The following ABTB3 variants were observed in gnomAD, a reference collection of about 807,000 sequenced individuals.
ABTB3 encodes ankyrin repeat and BTB domain containing 3.
At chr12:107,631,081 C>T in the ABTB3 span, among the ~76,000 whole-genome samples, 1 of 152,132 alleles carries the variant, frequency 6.6e-6, no homozygotes, top group African/African-American at 2.4e-5. Context: ...AGCTTTTCAG[C>T]CCTTGCCTCC....
the ABTB3 span, among the ~76,000 whole-genome samples, chr12:107,528,888 G>A: frequency 6.6e-6 from 1 of 150,858 alleles, no homozygotes; most frequent in Non-Finnish European, 1.5e-5. Flanking sequence ...TGATGGAGAT[G>A]ATGATGGTGA....
At chr12:107,321,553 C>T in the ABTB3 span, among the ~76,000 whole-genome samples, 1 of 151,908 alleles carries the variant, frequency 6.6e-6, no homozygotes. Flanking sequence ...AGCCCTTCCC[C>T]GTCTGCTGCC....
the ABTB3 span, among the ~76,000 whole-genome samples, chr12:107,499,224 T>G: frequency 2.0e-5 from 3 of 152,234 alleles, no homozygotes; most frequent in Admixed American, 6.5e-5. Flanking sequence ...AATAACACAG[T>G]ACAAACTTTC....
At chr12:107,428,827 TG>T in the ABTB3 span, among the ~76,000 whole-genome samples, 1 of 152,260 alleles carries the variant, frequency 6.6e-6, no homozygotes, top group Non-Finnish European at 1.5e-5. Context: ...CCAGGCACCG[TG>T]ATAGGCCAGC....
the ABTB3 span, among the ~76,000 whole-genome samples, chr12:107,332,893 C>T: frequency 2.6e-5 from 4 of 152,164 alleles, no homozygotes; most frequent in African/African-American, 4.8e-5. Flanking sequence ...AATCATGAGC[C>T]GACTCACAAT....
the ABTB3 span, among the ~76,000 whole-genome samples, chr12:107,518,757 AAAAT>A: frequency 2.0e-5 from 3 of 152,178 alleles, no homozygotes; most frequent in Admixed American, 6.5e-5. Flanking sequence ...ATAATAATAA[AAAAT>A]AAATAAATAA....
At chr12:107,442,771 C>A in the ABTB3 span, among the ~76,000 whole-genome samples, 1 of 152,294 alleles carries the variant, frequency 6.6e-6, no homozygotes, top group South Asian at 2.1e-4. Flanking sequence ...GGCCTGCTTG[C>A]CTCCTGGAAT....
the ABTB3 span, among the ~76,000 whole-genome samples, chr12:107,482,960 CTTTCTTTCTTTCTTTCTTTCT>C: frequency 9.6e-5 from 6 of 62,416 alleles, no homozygotes; most frequent in African/African-American, 4.1e-4. Flanking sequence ...TTCTTTCTTT[CTTTCTTTCTTTCTTTCTTTCT>C]TTCTTTCCTT....
chr12:107,518,691 C>T, the ABTB3 span, among the ~76,000 whole-genome samples: 1 of 151,874 alleles, frequency 6.6e-6, no homozygotes, highest in South Asian at 2.1e-4. Flanking sequence ...AACATGGCAC[C>T]GTATACATAT....
the ABTB3 span, among the ~76,000 whole-genome samples, chr12:107,387,550 G>A: frequency 1.6e-4 from 25 of 152,340 alleles, no homozygotes; most frequent in East Asian, 4.8e-3. Context: ...ATCACCAGAT[G>A]TAATATTGAT....
At chr12:107,371,672 C>A in the ABTB3 span, among the ~76,000 whole-genome samples, 1 of 152,162 alleles carries the variant, frequency 6.6e-6, no homozygotes, top group East Asian at 1.9e-4. Context: ...CCATTTCCAT[C>A]CTAATAGTGC....
chr12:107,642,945 C>T, the ABTB3 span, among the ~76,000 whole-genome samples: 1 of 152,104 alleles, frequency 6.6e-6, no homozygotes, highest in African/African-American at 2.4e-5. Context: ...TCCTGCTCTG[C>T]AACAACGTTC....
the ABTB3 span, among the ~76,000 whole-genome samples, chr12:107,654,999 T>C: frequency 6.6e-6 from 1 of 152,218 alleles, no homozygotes; most frequent in East Asian, 1.9e-4. Context: ...CTGATTAGCC[T>C]TGTGCTCTTC....
chr12:107,398,099 T>C, the ABTB3 span, among the ~76,000 whole-genome samples: 1 of 152,192 alleles, frequency 6.6e-6, no homozygotes, highest in Non-Finnish European at 1.5e-5. Flanking sequence ...TCTTAGCTTT[T>C]GTGTGAATTA....
the ABTB3 span, among the ~76,000 whole-genome samples, chr12:107,375,584 C>T: frequency 6.6e-6 from 1 of 152,234 alleles, no homozygotes; most frequent in Non-Finnish European, 1.5e-5. Context: ...TGCCGTTCTA[C>T]CTCTCACTGG....
chr12:107,619,992 C>G, the ABTB3 span: 13 of 1,611,672 alleles, frequency 8.1e-6, no homozygotes, highest in East Asian at 2.5e-4. Context: ...CCAGGCGTCC[C>G]GTGGACTCTG....
the ABTB3 span, among the ~76,000 whole-genome samples, chr12:107,623,353 C>G: frequency 7.0e-5 from 10 of 143,518 alleles, no homozygotes; most frequent in African/African-American, 2.6e-4. Flanking sequence ...GCCACCACGC[C>G]TGGCCTTTTT....
the ABTB3 span, among the ~76,000 whole-genome samples, chr12:107,654,004 T>G: frequency 6.6e-6 from 1 of 152,336 alleles, no homozygotes; most frequent in East Asian, 1.9e-4. Flanking sequence ...TGAATTTGAC[T>G]ACTCAAGGGG....
At chr12:107,521,477 A>G in the ABTB3 span, among the ~76,000 whole-genome samples, 2 of 152,236 alleles carry the variant, frequency 1.3e-5, no homozygotes, top group South Asian at 2.1e-4. Flanking sequence ...AGCTTTCACA[A>G]GAGGGTTTGC....
Sources: allele counts gnomAD v4.1 joint callset (sites outside exome capture counted in the v4.1 genomes callset), GRCh38; gene constraint gnomAD v4.1.1; transcripts MANE v1.5; gene names NCBI Gene and HGNC (gene_info 2026-07-23, HGNC 2026-07-21).